The following CNTNAP2 variants were observed in gnomAD, a reference collection of about 807,000 sequenced individuals.
CNTNAP2 encodes the protein contactin-associated protein-like 2.
CNTNAP2 carries 98 observed loss-of-function variants against 155.2 expected under a neutral mutation model. That is an observed-to-expected ratio of 0.63 (90% CI 0.54 to 0.75). The LOEUF (loss-of-function observed/expected upper bound fraction) is 0.75, where lower values mean the gene tolerates loss of function less well. Ranked by LOEUF, CNTNAP2 falls within the 30% of genes least tolerant of loss-of-function variation. CNTNAP2 has a pLI of 0.00. For synonymous variants in CNTNAP2, 651 were observed against 631.2 expected (o/e 1.03, Z -0.47); for missense variants, 1,727 against 1,688.1 (o/e 1.02, Z -0.40).
chr7:146,349,371 C>G (rs1794877534), intron 1 of CNTNAP2, among the ~76,000 whole-genome samples: 1 of 152,130 alleles, frequency 6.6e-6, no homozygotes, highest in East Asian at 1.9e-4. Flanking sequence ...CATAGTAGCT[C>G]TCATTTCTAA....
chr7:146,906,138 C>T (rs1261033327), intron 3 of CNTNAP2, among the ~76,000 whole-genome samples: 1 of 152,218 alleles, frequency 6.6e-6, no homozygotes. Context: ...CCACACCTGG[C>T]TCGGAGGGTC....
At chr7:146,837,290 A>G (rs1209144556) in intron 2 of CNTNAP2, among the ~76,000 whole-genome samples, 1 of 152,024 alleles carries the variant, frequency 6.6e-6, no homozygotes, top group Non-Finnish European at 1.5e-5. Context: ...TAGATGCCTT[A>G]TATGGCCCTA....
At chr7:146,395,867 AG>A (rs1446375360) in intron 1 of CNTNAP2, among the ~76,000 whole-genome samples, 1 of 151,804 alleles carries the variant, frequency 6.6e-6, no homozygotes, top group Non-Finnish European at 1.5e-5. Flanking sequence ...TTAGATGGAC[AG>A]GTATGTAGTT....
chr7:147,581,414 A>C (rs563736976), intron 12 of CNTNAP2, among the ~76,000 whole-genome samples: 1 of 152,338 alleles, frequency 6.6e-6, no homozygotes, highest in East Asian at 1.9e-4. Context: ...ATGGATATAC[A>C]TGGAACCATG....
rs113280765 is a variant in CNTNAP2 at position 147,704,756 on chromosome 7, G to C, written c.2098+65450G>C. On this transcript the variant is annotated intron_variant, in intron 13 of 23. Coordinates refer to ENST00000361727, the MANE Select transcript of CNTNAP2 (RefSeq NM_014141.6). ...CTTTTTTTACTGATTCAATCTCACT[G>C]CTCATTATTGGTTCGTTCAGGCTTT... Among the ~76,000 whole-genome samples, 116 of 152,260 alleles carry C rather than the reference G, an allele frequency of 7.6e-4. 1 individual carries two copies. The highest frequency in any genetic ancestry group is 2.6e-3 in the African/African-American group (108 of 41,572).
intron 3 of CNTNAP2, among the ~76,000 whole-genome samples, chr7:146,972,059 G>A (rs1345206566): frequency 6.6e-6 from 1 of 152,090 alleles, no homozygotes; most frequent in Non-Finnish European, 1.5e-5. Flanking sequence ...ATGTACACTT[G>A]TTAAAATGGC....
At chr7:147,240,145 G>A (rs10226977) in intron 8 of CNTNAP2, among the ~76,000 whole-genome samples, 107,063 of 151,980 alleles carry the variant, frequency 0.7, 38,367 homozygotes, top group African/African-American at 0.82. Context: ...GCAAGATGCC[G>A]TCTCTACAAA....
Position 146,969,837 on chromosome 7 carries a change from G to A in CNTNAP2, c.403-74070G>A, listed in dbSNP as rs1044543112. On this transcript the variant is annotated intron_variant, in intron 3 of 23. Coordinates refer to ENST00000361727, the MANE Select transcript of CNTNAP2 (RefSeq NM_014141.6). ...CTACAAGGCTACAGTAATCAAAACA[G>A]CATGGTACTGGTACCAAAACAGAGA... Among the ~76,000 whole-genome samples the A allele has an allele frequency of 4.5e-4, 68 of 152,246 alleles. No homozygotes were observed. The Middle Eastern group carries it at 0.01, about 23-fold the overall frequency.
intron 1 of CNTNAP2, among the ~76,000 whole-genome samples, chr7:146,484,930 T>G (rs1797031606): frequency 1.3e-5 from 2 of 152,288 alleles, no homozygotes; most frequent in East Asian, 3.9e-4. Context: ...AAAAGCATAA[T>G]TTAGAAATTG....
chr7:146,244,069 G>A (rs1191737219), intron 1 of CNTNAP2, among the ~76,000 whole-genome samples: 1 of 152,094 alleles, frequency 6.6e-6, no homozygotes, highest in Non-Finnish European at 1.5e-5. Context: ...GTGATGGCCT[G>A]GATACGGTTT....
At chr7:147,454,369 G>A (rs1163843826) in intron 10 of CNTNAP2, among the ~76,000 whole-genome samples, 5 of 152,060 alleles carry the variant, frequency 3.3e-5, no homozygotes, top group Non-Finnish European at 7.4e-5. Context: ...TTTATAAATT[G>A]TCATTATTCA....
At chr7:146,605,602 G>T (rs990675412) in intron 1 of CNTNAP2, among the ~76,000 whole-genome samples, 4 of 152,062 alleles carry the variant, frequency 2.6e-5, no homozygotes, top group African/African-American at 9.7e-5. Flanking sequence ...AATATTTGAG[G>T]TTTGCCATAT....
intron 13 of CNTNAP2, among the ~76,000 whole-genome samples, chr7:147,803,338 T>A (rs1244494484): frequency 1.3e-5 from 2 of 152,156 alleles, no homozygotes; most frequent in African/African-American, 2.4e-5. Flanking sequence ...CGCAACCCTG[T>A]GTTTTGTATT....
At chr7:147,810,980 T>G (rs1426571627) in intron 13 of CNTNAP2, among the ~76,000 whole-genome samples, 1 of 152,224 alleles carries the variant, frequency 6.6e-6, no homozygotes, top group Non-Finnish European at 1.5e-5. Flanking sequence ...AGGCACTCAG[T>G]TACAGTGTAC....
chr7:148,391,947 GA>G (rs1334668204), intron 22 of CNTNAP2, among the ~76,000 whole-genome samples: 2 of 152,138 alleles, frequency 1.3e-5, no homozygotes, highest in African/African-American at 4.8e-5. Flanking sequence ...ATTTGATACA[GA>G]ATACGTCAGA....
At chr7:146,308,943 T>C (rs2129090151) in intron 1 of CNTNAP2, among the ~76,000 whole-genome samples, 1 of 152,224 alleles carries the variant, frequency 6.6e-6, no homozygotes, top group Non-Finnish European at 1.5e-5. Context: ...AACCTGCATG[T>C]TGTGCACATG....
chr7:147,271,797 A>G (rs1360351758), intron 8 of CNTNAP2, among the ~76,000 whole-genome samples: 4 of 152,174 alleles, frequency 2.6e-5, no homozygotes, highest in Admixed American at 6.5e-5. Context: ...AACACTTGGA[A>G]TTTTGGGAGC....
chr7:146,838,841 T>C (rs1803666496), intron 2 of CNTNAP2, among the ~76,000 whole-genome samples: 2 of 152,154 alleles, frequency 1.3e-5, no homozygotes, highest in South Asian at 2.1e-4. Flanking sequence ...GGATAATCTA[T>C]TGAATATTTT....
At chr7:148,241,880 A>G (rs1796164170) in intron 20 of CNTNAP2, among the ~76,000 whole-genome samples, 1 of 152,046 alleles carries the variant, frequency 6.6e-6, no homozygotes, top group Admixed American at 6.5e-5. Context: ...CCATTCCTAC[A>G]CTCCAGAAAA....
Sources: gnomAD v4.1 joint callset for allele counts (sites outside exome capture counted in the v4.1 genomes callset) on GRCh38, gnomAD v4.1.1 for gene constraint, MANE v1.5 for transcripts, NCBI Gene and HGNC (gene_info 2026-07-23, HGNC 2026-07-21) for gene names.